LY6S: variants seen among roughly 807,000 people sequenced by gnomAD.
LY6S encodes lymphocyte antigen 6 family member S, also known as lymphocyte antigen 6S.
At chr8:143,044,077 C>T in the LY6S span, 1 of 453,876 alleles carries the variant, frequency 2.2e-6, no homozygotes, top group East Asian at 7.0e-5. Flanking sequence ...TGCTGAGGGC[C>T]TGGGCAGGCT....
the LY6S span, among the ~76,000 whole-genome samples, chr8:143,061,887 G>A: frequency 2.0e-5 from 3 of 152,126 alleles, no homozygotes; most frequent in Non-Finnish European, 4.4e-5. Context: ...AGAACAAGCG[G>A]ACAAAAATTA....
chr8:143,044,712 A>G, the LY6S span: 1 of 1,367,632 alleles, frequency 7.3e-7, no homozygotes, highest in Non-Finnish European at 9.8e-7. Context: ...TCTGGGAGAC[A>G]CAGACCCCAT....
the LY6S span, chr8:143,044,530 GCCC>G: frequency 1.0e-5 from 2 of 197,896 alleles, no homozygotes; most frequent in Non-Finnish European, 2.0e-5. Context: ...TGCCCGCCAT[GCCC>G]ACCCCACCCC....
At chr8:143,047,090 C>CTT in the LY6S span, among the ~76,000 whole-genome samples, 2 of 152,012 alleles carry the variant, frequency 1.3e-5, no homozygotes, top group Non-Finnish European at 2.9e-5. Flanking sequence ...GAGACCAAAG[C>CTT]CGCCTTTGTA....
At chr8:143,052,259 G>T in the LY6S span, among the ~76,000 whole-genome samples, 19 of 151,860 alleles carry the variant, frequency 1.3e-4, no homozygotes, top group South Asian at 4.2e-4. Context: ...CCAGCCTGGG[G>T]GACACAGCGA....
the LY6S span, among the ~76,000 whole-genome samples, chr8:143,072,219 G>A: frequency 0.05 from 5,722 of 115,096 alleles, 164 homozygotes; most frequent in African/African-American, 0.11. Flanking sequence ...GGGGGTTCCT[G>A]TTTGAGGAGA....
the LY6S span, among the ~76,000 whole-genome samples, chr8:143,045,019 C>G: frequency 6.6e-6 from 1 of 152,210 alleles, no homozygotes; most frequent in African/African-American, 2.4e-5. The surrounding 1 kb of genome is among the most constrained non-coding windows in gnomAD (Gnocchi z 5.3). Context: ...TCCAGAGGCA[C>G]CAGCAGCCAC....
chr8:143,074,635 C>G, the LY6S span, among the ~76,000 whole-genome samples: 1 of 152,146 alleles, frequency 6.6e-6, no homozygotes, highest in Admixed American at 6.6e-5. Context: ...ATCCTTTCCT[C>G]CATCTCATTT....
At chr8:143,057,405 A>G in the LY6S span, 5 of 445,882 alleles carry the variant, frequency 1.1e-5, no homozygotes, top group Non-Finnish European at 1.7e-5. Flanking sequence ...GCCTGCCACC[A>G]TGCCCGGCTA....
the LY6S span, among the ~76,000 whole-genome samples, chr8:143,052,595 C>T: frequency 6.6e-6 from 1 of 152,188 alleles, no homozygotes; most frequent in South Asian, 2.1e-4. Flanking sequence ...AGCTCTCCCC[C>T]AAGAACAGAG....
At chr8:143,071,548 T>C in the LY6S span, among the ~76,000 whole-genome samples, 5 of 152,178 alleles carry the variant, frequency 3.3e-5, no homozygotes, top group African/African-American at 1.2e-4. Flanking sequence ...AGGAGAAATG[T>C]GAGACAGGGC....
At chr8:143,057,940 C>A in the LY6S span, 2 of 557,386 alleles carry the variant, frequency 3.6e-6, no homozygotes, top group Non-Finnish European at 6.5e-6. Context: ...GTGGTCTCAG[C>A]GTCGTCTCTG....
chr8:143,057,625 GC>G, the LY6S span: 2 of 1,174,962 alleles, frequency 1.7e-6, no homozygotes, highest in Non-Finnish European at 1.3e-6. Flanking sequence ...GGTCATCAAT[GC>G]CCACAGTTTT....
At chr8:143,068,437 C>A in the LY6S span, among the ~76,000 whole-genome samples, 1 of 152,108 alleles carries the variant, frequency 6.6e-6, no homozygotes, top group Non-Finnish European at 1.5e-5. Flanking sequence ...ACAATCTGAT[C>A]TGTCTTTCTT....
chr8:143,073,200 T>C, the LY6S span, among the ~76,000 whole-genome samples: 2 of 143,576 alleles, frequency 1.4e-5, no homozygotes, highest in Admixed American at 7.0e-5. Flanking sequence ...GTCCTCGGGG[T>C]TCCTGTTTGA....
At chr8:143,066,353 G>A in the LY6S span, 1 of 205,564 alleles carries the variant, frequency 4.9e-6, no homozygotes, top group African/African-American at 2.4e-5. Flanking sequence ...GTAGAGACGG[G>A]GTTTTGCCAT....
the LY6S span, among the ~76,000 whole-genome samples, chr8:143,068,204 C>T: frequency 2.6e-5 from 4 of 152,190 alleles, no homozygotes; most frequent in Non-Finnish European, 4.4e-5. Context: ...TGGAGAATGG[C>T]GATGACTTTT....
At chr8:143,044,572 C>A in the LY6S span, 1 of 924,356 alleles carries the variant, frequency 1.1e-6, no homozygotes, top group South Asian at 1.9e-5. Flanking sequence ...CACAGACCGG[C>A]CCCCAAAGTG....
At chr8:143,070,489 ATTTTTT>A in the LY6S span, among the ~76,000 whole-genome samples, 2 of 81,708 alleles carry the variant, frequency 2.4e-5, no homozygotes, top group African/African-American at 7.7e-5. Context: ...ATATATATAT[ATTTTTT>A]TTTTTTTTTG....
Sources: gnomAD v4.1 joint callset for allele counts (sites outside exome capture counted in the v4.1 genomes callset) on GRCh38, gnomAD v4.1.1 for gene constraint, Gnocchi (gnomAD v3.1) non-coding constraint, MANE v1.5 for transcripts, NCBI Gene and HGNC (gene_info 2026-07-23, HGNC 2026-07-21) for gene names.